The following CNTLN variants were observed in gnomAD, a reference collection of about 807,000 sequenced individuals.
The protein encoded by CNTLN is centlein, centrosomal protein.
In CNTLN, 212 loss-of-function variants were observed where a neutral mutation model predicts 180.0. The observed-to-expected ratio is 1.18, with a 90% confidence interval of 1.05 to 1.32. The LOEUF (loss-of-function observed/expected upper bound fraction) is 1.32. CNTLN is among the 40% of genes most tolerant of loss of function. CNTLN has a pLI of 0.00. For missense variants in CNTLN, 2,095 were observed against 1,610.9 expected, an observed-to-expected ratio of 1.30 and a Z score of -5.14; for synonymous variants, 722 against 563.1, an observed-to-expected ratio of 1.28 and a Z score of -3.99.
chr9:17,374,517 A>T (rs1198975723), intron 13 of CNTLN, among the ~76,000 whole-genome samples: 2 of 152,146 alleles, frequency 1.3e-5, no homozygotes, highest in East Asian at 1.9e-4. Context: ...TCTTGGAAGG[A>T]ATGTAAATTA....
At position 17,332,627 on chromosome 9, in the gene CNTLN, G is replaced by A. The variant is rs1554690904; in HGVS notation, c.1541G>A (p.Arg514Lys). The A allele has an allele frequency of 5.0e-6, 8 of 1,607,290 alleles. No individual in the cohort carries two copies. The South Asian group carries it at 7.8e-5, about 16-fold the overall frequency. The stretch of plus-strand genomic sequence containing the variant: ...GAGGAACCACCTGTGAAACGTTCAA[G>A]GTCTTTGTCCCCAAAGAGCTCTTTC... ...KHKEPPVKRS[R>K]SLSPKSSFTD... is the part of the protein sequence containing the mutation. The change falls in exon 10 of 26, where the codon AGG becomes AAG. Residue 514 changes from arginine (R) to lysine (K), a missense_variant. Arg to Lys is a conservative substitution (Grantham distance 26, BLOSUM62 2). Coordinates refer to ENST00000380647, the MANE Select transcript of CNTLN (RefSeq NM_017738.4).
intron 12 of CNTLN, among the ~76,000 whole-genome samples, chr9:17,353,285 A>G (rs1247113098): frequency 1.2e-5 from 1 of 82,110 alleles, no homozygotes; most frequent in Non-Finnish European, 2.7e-5. Flanking sequence ...GAACTGCCAA[A>G]CTTTTTTTTT....
chr9:17,261,138 T>C (rs1826941277), intron 5 of CNTLN, among the ~76,000 whole-genome samples: 1 of 151,562 alleles, frequency 6.6e-6, no homozygotes, highest in Non-Finnish European at 1.5e-5. Flanking sequence ...TCATTTTGCT[T>C]AGGATTGCTT....
At chr9:17,215,880 C>T (rs757620118) in intron 2 of CNTLN, among the ~76,000 whole-genome samples, 23 of 152,078 alleles carry the variant, frequency 1.5e-4, no homozygotes, top group Non-Finnish European at 3.2e-4. Context: ...CCTGGTGTGC[C>T]GTATGCTAAG....
chr9:17,301,779 A>G (rs1476731112), intron 7 of CNTLN: 5 of 976,274 alleles, frequency 5.1e-6, no homozygotes, highest in Admixed American at 6.2e-5. Flanking sequence ...TGGTGGCTGT[A>G]TGTAGTTATT....
At chr9:17,420,269 G>A (rs915676450) in intron 18 of CNTLN, among the ~76,000 whole-genome samples, 1 of 152,082 alleles carries the variant, frequency 6.6e-6, no homozygotes, top group African/African-American at 2.4e-5. Flanking sequence ...GCAGGTTTTG[G>A]ATTTCTTCAT....
At chr9:17,238,381 C>G (rs529750713) in intron 5 of CNTLN, among the ~76,000 whole-genome samples, 12 of 152,114 alleles carry the variant, frequency 7.9e-5, no homozygotes, top group Non-Finnish European at 1.6e-4. Flanking sequence ...TCAATACCCA[C>G]GGAAGCAGCA....
At chr9:17,357,579 C>CAT (rs370275927) in intron 12 of CNTLN, among the ~76,000 whole-genome samples, 7,987 of 120,850 alleles carry the variant, frequency 0.066, 222 homozygotes, top group Middle Eastern at 0.12. Context: ...ATAAATACTA[C>CAT]ATATATATAT....
chr9:17,441,398 G>A (rs1261192345), intron 18 of CNTLN, among the ~76,000 whole-genome samples: 1 of 152,034 alleles, frequency 6.6e-6, no homozygotes, highest in Non-Finnish European at 1.5e-5. Flanking sequence ...AATATAAAAA[G>A]ATGTAATTTG....
At chr9:17,446,145 G>A (rs1021390960) in intron 18 of CNTLN, among the ~76,000 whole-genome samples, 2 of 152,178 alleles carry the variant, frequency 1.3e-5, no homozygotes, top group African/African-American at 2.4e-5. Flanking sequence ...AAACACCCAC[G>A]AATGATGAAT....
At chr9:17,327,311 A>G (rs1299020429) in intron 8 of CNTLN, among the ~76,000 whole-genome samples, 1 of 28,744 alleles carries the variant, frequency 3.5e-5, no homozygotes. Flanking sequence ...TCCCAGGTTC[A>G]CGGCCATCCT....
intron 15 of CNTLN, among the ~76,000 whole-genome samples, chr9:17,408,640 A>G (rs2133836030): frequency 6.6e-6 from 1 of 152,098 alleles, no homozygotes; most frequent in Non-Finnish European, 1.5e-5. Context: ...TCTCTACTAA[A>G]AATACAAAAA....
At chr9:17,340,307 T>G (rs1821372999) in intron 10 of CNTLN, among the ~76,000 whole-genome samples, 1 of 152,148 alleles carries the variant, frequency 6.6e-6, no homozygotes, top group African/African-American at 2.4e-5. Flanking sequence ...CCCAGAAGGT[T>G]AAACTATGCT....
chr9:17,370,204 A>C (rs1299027485), intron 13 of CNTLN, among the ~76,000 whole-genome samples: 1 of 152,206 alleles, frequency 6.6e-6, no homozygotes, highest in Non-Finnish European at 1.5e-5. Flanking sequence ...CAACTATGAG[A>C]AAGTTGTAGA....
chr9:17,165,700 A>G (rs2815175), intron 2 of CNTLN, among the ~76,000 whole-genome samples: 21,477 of 152,268 alleles, frequency 0.14, 1,710 homozygotes, highest in African/African-American at 0.22. Flanking sequence ...ATCAAGGTAC[A>G]GGATTAGCTA....
chr9:17,262,345 A>G (rs112324932), intron 5 of CNTLN, among the ~76,000 whole-genome samples: 5,216 of 151,716 alleles, frequency 0.034, 207 homozygotes, highest in East Asian at 0.18. Context: ...TCAGTGATAG[A>G]CTGGATAAAG....
intron 18 of CNTLN, among the ~76,000 whole-genome samples, chr9:17,439,266 TAA>T (rs1365735669): frequency 1.3e-5 from 2 of 152,132 alleles, no homozygotes; most frequent in African/African-American, 2.4e-5. Flanking sequence ...AACAGAGCAA[TAA>T]AAAGTCTTTC....
intron 13 of CNTLN, among the ~76,000 whole-genome samples, chr9:17,369,958 G>C (rs1249817722): frequency 6.7e-6 from 1 of 150,092 alleles, no homozygotes; most frequent in Admixed American, 6.7e-5. Context: ...CTGCACTCCA[G>C]CCTGGTGACA....
chr9:17,280,301 C>G (rs1015856761), intron 6 of CNTLN, among the ~76,000 whole-genome samples: 9 of 152,134 alleles, frequency 5.9e-5, no homozygotes, highest in Admixed American at 1.3e-4. Context: ...CCTTAATTCC[C>G]TTTGATCTGT....
Sources: allele counts gnomAD v4.1 joint callset (sites outside exome capture counted in the v4.1 genomes callset), GRCh38; gene constraint gnomAD v4.1.1; transcripts MANE v1.5; gene names NCBI Gene and HGNC (gene_info 2026-07-23, HGNC 2026-07-21).